FGGY: variants seen among roughly 807,000 people sequenced by gnomAD.
FGGY encodes FGGY carbohydrate kinase domain-containing protein.
In FGGY, 72 loss-of-function variants were observed where a neutral mutation model predicts 71.3. The observed-to-expected ratio is 1.01, with a 90% CI of 0.84 to 1.23. FGGY has a LOEUF of 1.23. Ranked by LOEUF, FGGY falls within the 50% of genes most tolerant of loss-of-function variation. The pLI is 0.00. For synonymous variants in FGGY, 251 were observed against 250.3 expected, an observed-to-expected ratio of 1.00 and a Z score of -0.02; for missense variants, 668 against 682.3, an observed-to-expected ratio of 0.98 and a Z score of 0.23.
chr1:59,485,001 G>A (rs1043106117), intron 6 of FGGY, among the ~76,000 whole-genome samples: 1 of 152,102 alleles, frequency 6.6e-6, no homozygotes, highest in Non-Finnish European at 1.5e-5. Flanking sequence ...ACACCCATAG[G>A]GGGGATGTGC....
At chr1:59,581,029 G>T (rs190466896) in intron 8 of FGGY, among the ~76,000 whole-genome samples, 18 of 152,200 alleles carry the variant, frequency 1.2e-4, no homozygotes, top group Non-Finnish European at 7.4e-5. Context: ...TTATACATAG[G>T]GGAAATGACA....
chr1:59,620,790 G>C (rs1334016322), intron 9 of FGGY, among the ~76,000 whole-genome samples: 2 of 151,982 alleles, frequency 1.3e-5, no homozygotes, highest in African/African-American at 2.4e-5. Flanking sequence ...CCCTTCAACT[G>C]TGTAGTTCTA....
At chr1:59,459,389 A>G (rs1439857242) in intron 6 of FGGY, among the ~76,000 whole-genome samples, 1 of 152,224 alleles carries the variant, frequency 6.6e-6, no homozygotes, top group African/African-American at 2.4e-5. Context: ...TGGTTTGGGA[A>G]CATTCACAAA....
intron 5 of FGGY, among the ~76,000 whole-genome samples, chr1:59,425,394 A>G (rs892479000): frequency 6.6e-6 from 1 of 152,146 alleles, no homozygotes; most frequent in Non-Finnish European, 1.5e-5. Flanking sequence ...AAAATTGGAA[A>G]TGGATATTTG....
intron 8 of FGGY, among the ~76,000 whole-genome samples, chr1:59,564,177 A>G: frequency 6.6e-6 from 1 of 152,248 alleles, no homozygotes; most frequent in East Asian, 1.9e-4. Flanking sequence ...AACAAAAGCC[A>G]AAATAGACAA....
rs368556549 is a variant in FGGY at position 59,506,785 on chromosome 1, C to T, written c.671-5526C>T. Among the ~76,000 whole-genome samples, 154 of 151,098 alleles carry T rather than the reference C, an allele frequency of 1.0e-3. 2 individuals carry two copies. The highest frequency in any genetic ancestry group is 3.6e-3 in the African/African-American group (147 of 41,130). On this transcript the variant is annotated intron_variant, in intron 6 of 15. Transcript: ENST00000303721. ...CTGCACTCCATCCTGGGCAACAGAG[C>T]GAGACTCTGTCTCAAAAAAAAAATT...
chr1:59,742,510 T>C (rs764500944), intron 14 of FGGY, among the ~76,000 whole-genome samples: 35 of 152,258 alleles, frequency 2.3e-4, no homozygotes, highest in South Asian at 1.0e-3. Context: ...TATGGTAGTC[T>C]TATACAGGAA....
At chr1:59,694,428 C>G (rs547790423) in intron 14 of FGGY, among the ~76,000 whole-genome samples, 1 of 152,190 alleles carries the variant, frequency 6.6e-6, no homozygotes, top group East Asian at 1.9e-4. Flanking sequence ...CATGTCTTAT[C>G]AGTTTTCTCA....
intron 8 of FGGY, among the ~76,000 whole-genome samples, chr1:59,569,574 CAAGAGAAAGTGGG>C (rs2095943860): frequency 1.3e-5 from 2 of 152,122 alleles, no homozygotes; most frequent in Non-Finnish European, 2.9e-5. Context: ...CTGTAATATT[CAAGAGAAAGTGGG>C]TCCCACGAAC....
chr1:59,521,916 A>G (rs1429788239), intron 7 of FGGY, among the ~76,000 whole-genome samples: 2 of 152,216 alleles, frequency 1.3e-5, no homozygotes, highest in East Asian at 3.8e-4. Flanking sequence ...ACTTGAGTAA[A>G]TCTCTTTGTT....
At chr1:59,545,888 T>C (rs1188726139) in intron 7 of FGGY, among the ~76,000 whole-genome samples, 1 of 152,240 alleles carries the variant, frequency 6.6e-6, no homozygotes, top group East Asian at 1.9e-4. Context: ...TTATTCTTAA[T>C]GTTTAAAATG....
chr1:59,520,920 G>A (rs2094808459), intron 7 of FGGY, among the ~76,000 whole-genome samples: 5 of 152,000 alleles, frequency 3.3e-5, no homozygotes, highest in Admixed American at 2.0e-4. Context: ...GAGCAGAACC[G>A]TGCTGCGCAG....
intron 8 of FGGY, among the ~76,000 whole-genome samples, chr1:59,593,434 G>A (rs1441452350): frequency 2.0e-5 from 3 of 152,130 alleles, no homozygotes; most frequent in African/African-American, 7.2e-5. Context: ...CATCTGCTCC[G>A]TGGCTGCCTG....
At chr1:59,753,467 A>AATATATATATATATATAT (rs57074120) in intron 14 of FGGY, among the ~76,000 whole-genome samples, 4 of 47,852 alleles carry the variant, frequency 8.4e-5, no homozygotes, top group African/African-American at 1.6e-4. Context: ...CATAACTTTA[A>AATATATATATATATATAT]ATATATATAT....
chr1:59,324,649 G>T lies in FGGY; in HGVS notation c.201+2899G>T, dbSNP rs77224816. On this transcript the variant is annotated intron_variant, in intron 2 of 15. Transcript: ENST00000303721. ...TAGAAAAACAATGAGCTTTGAAGAG[G>T]TTCAGTAAGCAGCCTAAGGTCTCCT... Among the ~76,000 whole-genome samples the T allele has an allele frequency of 3.6e-3, 543 of 152,240 alleles. 8 individuals carry two copies. Among genetic ancestry groups the T allele is most frequent in the Admixed American group, 0.03 (464 of 15,300 alleles).
chr1:59,756,898 A>ATTT (rs71281846), intron 14 of FGGY, among the ~76,000 whole-genome samples: 12,276 of 145,382 alleles, frequency 0.084, 880 homozygotes, highest in African/African-American at 0.2. Flanking sequence ...TGGTATTCAG[A>ATTT]TTTTTTTTTT....
At chr1:59,613,125 A>G (rs1472833422) in intron 9 of FGGY, among the ~76,000 whole-genome samples, 1 of 152,192 alleles carries the variant, frequency 6.6e-6, no homozygotes, top group Non-Finnish European at 1.5e-5. Context: ...CAGGAATAGA[A>G]CTCAGCTCTG....
chr1:59,662,489 G>A (rs1017118725), intron 12 of FGGY, among the ~76,000 whole-genome samples: 1 of 152,108 alleles, frequency 6.6e-6, no homozygotes, highest in Non-Finnish European at 1.5e-5. Flanking sequence ...ATAGCTTGTG[G>A]CAGAGGTGGG....
chr1:59,605,560 CCTAT>C (rs1362633751), intron 8 of FGGY, among the ~76,000 whole-genome samples: 1 of 152,124 alleles, frequency 6.6e-6, no homozygotes, highest in Non-Finnish European at 1.5e-5. Flanking sequence ...CTTATGAAAG[CCTAT>C]CTTTTTTCTC....
Sources: allele counts gnomAD v4.1 joint callset (sites outside exome capture counted in the v4.1 genomes callset), GRCh38; gene constraint gnomAD v4.1.1; transcripts MANE v1.5; gene names NCBI Gene and HGNC (gene_info 2026-07-23, HGNC 2026-07-21).